ADAMTS19: variants seen among roughly 807,000 people sequenced by gnomAD.
ADAMTS19 encodes the protein ADAM metallopeptidase with thrombospondin type 1 motif 19, also known as A disintegrin and metalloproteinase with thrombospondin motifs 19.
ADAMTS19 carries 93 observed loss-of-function variants against 153.3 expected under a neutral mutation model. That is an observed-to-expected ratio of 0.61 (90% confidence interval 0.51 to 0.72). The LOEUF is 0.72. ADAMTS19 is among the 30% of genes least tolerant of loss of function. The probability of loss-of-function intolerance (pLI) is 0.00; values close to 1 mark genes in which losing one functional copy is unlikely to be tolerated. For synonymous variants in ADAMTS19, 600 were observed against 556.6 expected (o/e 1.08, Z -1.10); for missense variants, 1,482 against 1,552.1 (o/e 0.95, Z 0.76).
chr5:129,526,928 C>G (rs963247575), intron 4 of ADAMTS19, among the ~76,000 whole-genome samples: 1 of 151,548 alleles, frequency 6.6e-6, no homozygotes, highest in South Asian at 2.1e-4. Flanking sequence ...ATATATGTGG[C>G]CCCACAAAAG....
intron 16 of ADAMTS19, among the ~76,000 whole-genome samples, chr5:129,672,371 C>A (rs544336680): frequency 2.0e-5 from 3 of 152,036 alleles, no homozygotes; most frequent in Admixed American, 1.3e-4. Flanking sequence ...AATTAAAGAA[C>A]CCTTAGATAC....
chr5:129,553,143 C>A (rs1413399203), intron 7 of ADAMTS19, among the ~76,000 whole-genome samples: 6 of 152,188 alleles, frequency 3.9e-5, no homozygotes, highest in Admixed American at 2.6e-4. Context: ...AAAATAATAA[C>A]CTTTTCTTTC....
At chr5:129,572,421 A>G (rs1222665948) in intron 7 of ADAMTS19, among the ~76,000 whole-genome samples, 2 of 151,974 alleles carry the variant, frequency 1.3e-5, no homozygotes, top group Non-Finnish European at 2.9e-5. Flanking sequence ...ACCCCTGAGC[A>G]TTTACTTCAA....
chr5:129,570,170 C>T (rs946489999), intron 7 of ADAMTS19, among the ~76,000 whole-genome samples: 13 of 151,774 alleles, frequency 8.6e-5, no homozygotes, highest in Non-Finnish European at 1.9e-4. Flanking sequence ...AGTAAAATTT[C>T]AAACCTCTAG....
At chr5:129,536,232 C>A (rs1235780506) in intron 6 of ADAMTS19, among the ~76,000 whole-genome samples, 1 of 152,026 alleles carries the variant, frequency 6.6e-6, no homozygotes, top group African/African-American at 2.4e-5. Flanking sequence ...ACAAACAACC[C>A]CATCAAAAAG....
rs995432813 is a variant in ADAMTS19, at chr5:129,737,176, A to G, written c.3600A>G (p.Thr1200=). The G allele has an allele frequency of 1.2e-6, 2 of 1,609,762 alleles. No homozygotes were observed. Among genetic ancestry groups the G allele is most frequent in the East Asian group, 4.5e-5 (2 of 44,770 alleles). ...GGTGGTATCAGCGCTGCTGTGAAAC[A>G]TGCAGGGACTTCTATGCCCAAAAGC... ...DMRWYQRCCE[T]CRDFYAQKLQ... is the part of the protein sequence containing the mutation. The change falls in exon 23 of 23, where the codon ACA becomes ACG. Residue 1200 remains threonine, a synonymous_variant. Transcript: ENST00000274487.
chr5:129,705,183 T>C (rs867955119), intron 21 of ADAMTS19, among the ~76,000 whole-genome samples: 3 of 152,184 alleles, frequency 2.0e-5, no homozygotes, highest in Admixed American at 6.5e-5. Context: ...TAGGGCTTAG[T>C]TCCATGCTTA....
chr5:129,530,995 GT>G (rs1752181022), intron 6 of ADAMTS19, among the ~76,000 whole-genome samples: 1 of 152,014 alleles, frequency 6.6e-6, no homozygotes, highest in Non-Finnish European at 1.5e-5. Context: ...AACCAATTAT[GT>G]TTATATATAC....
intron 2 of ADAMTS19, among the ~76,000 whole-genome samples, chr5:129,486,869 G>A (rs1396744343): frequency 6.6e-6 from 1 of 152,166 alleles, no homozygotes; most frequent in Non-Finnish European, 1.5e-5. Context: ...AAAATATTAA[G>A]TAATCTAAAA....
chr5:129,507,671 T>G (rs1751309230), intron 2 of ADAMTS19, among the ~76,000 whole-genome samples: 1 of 151,406 alleles, frequency 6.6e-6, no homozygotes, highest in South Asian at 2.1e-4. Context: ...CGTGTGTGTG[T>G]GTGTGTGTGT....
rs1376899327 is a variant in ADAMTS19, at chr5:129,482,779, T to C, written c.747+21022T>C. Among the ~76,000 whole-genome samples, 5 of 152,178 alleles carry C rather than the reference T, an allele frequency of 3.3e-5. No homozygotes were observed. In the East Asian group the frequency reaches 9.6e-4, roughly 29 times the overall value. On this transcript the variant is annotated intron_variant, in intron 2 of 22. Coordinates refer to ENST00000274487, the MANE Select transcript of ADAMTS19 (RefSeq NM_133638.6). ...TCTCCTAGTTATTACCAACTTCTTATTCACATTTCTATGTTCACAGTATCA... is the reference window on the plus strand; with the variant it reads ...TCTCCTAGTTATTACCAACTTCTTACTCACATTTCTATGTTCACAGTATCA...
At chr5:129,496,453 A>C (rs988483705) in intron 2 of ADAMTS19, among the ~76,000 whole-genome samples, 1 of 152,122 alleles carries the variant, frequency 6.6e-6, no homozygotes, top group Non-Finnish European at 1.5e-5. Context: ...AATAAGTTGC[A>C]GCAGATTTTC....
intron 2 of ADAMTS19, among the ~76,000 whole-genome samples, chr5:129,475,571 G>A (rs1750197835): frequency 6.6e-6 from 1 of 152,122 alleles, no homozygotes; most frequent in African/African-American, 2.4e-5. Context: ...AGTGGTTCAT[G>A]CCTGTAATCC....
chr5:129,706,270 T>C (rs1055183461), intron 21 of ADAMTS19, among the ~76,000 whole-genome samples: 1 of 152,098 alleles, frequency 6.6e-6, no homozygotes. Context: ...TGGTGATAAA[T>C]AGAAAAATTT....
At chr5:129,594,016 C>A (rs1750262571) in intron 7 of ADAMTS19, among the ~76,000 whole-genome samples, 1 of 152,094 alleles carries the variant, frequency 6.6e-6, no homozygotes, top group Admixed American at 6.5e-5. Context: ...AAAGTTATTT[C>A]CCTAAGTTAG....
At chr5:129,639,002 C>A (rs905492781) in intron 10 of ADAMTS19, among the ~76,000 whole-genome samples, 1 of 152,072 alleles carries the variant, frequency 6.6e-6, no homozygotes, top group Non-Finnish European at 1.5e-5. Context: ...TTAATAAACT[C>A]TTTTTACTAT....
rs574711350 is a variant in ADAMTS19, at chr5:129,678,602, G to C, written c.2507-1162G>C. On this transcript the variant is annotated intron_variant, in intron 16 of 22. Coordinates refer to ENST00000274487, the MANE Select transcript of ADAMTS19 (RefSeq NM_133638.6). ...AAATTTACTTTCAGTGCTGTGCTCA[G>C]AAATAAACACTCTCAGTCACTATTA... Among the ~76,000 whole-genome samples, 9 of 152,064 alleles carry C rather than the reference G, an allele frequency of 5.9e-5. 1 individual carries two copies. In the South Asian group the frequency reaches 1.9e-3, roughly 32 times the overall value.
chr5:129,714,442 A>G (rs1756631198), intron 21 of ADAMTS19, among the ~76,000 whole-genome samples: 2 of 149,606 alleles, frequency 1.3e-5, no homozygotes, highest in African/African-American at 2.5e-5. Context: ...AAAAAAAAAA[A>G]AGAAAAATAT....
At chr5:129,464,241 A>T (rs554479670) in intron 2 of ADAMTS19, among the ~76,000 whole-genome samples, 1 of 152,342 alleles carries the variant, frequency 6.6e-6, no homozygotes, top group Non-Finnish European at 1.5e-5. Context: ...CTTGTCTGCA[A>T]GAATATGGGC....
Sources: gnomAD v4.1 joint callset for allele counts (sites outside exome capture counted in the v4.1 genomes callset) on GRCh38, gnomAD v4.1.1 for gene constraint, MANE v1.5 for transcripts, NCBI Gene and HGNC (gene_info 2026-07-23, HGNC 2026-07-21) for gene names.